DOCK3: variants seen among roughly 807,000 people sequenced by gnomAD.
DOCK3 encodes dedicator of cytokinesis 3.
A neutral mutation model predicts 265.6 loss-of-function variants in DOCK3; 60 were observed. That is an observed-to-expected ratio of 0.23 (90% CI 0.18 to 0.28). The LOEUF (loss-of-function observed/expected upper bound fraction) is 0.28. DOCK3 is among the 10% of genes least tolerant of loss of function. The probability of loss-of-function intolerance (pLI) is 1.00; values close to 1 mark genes in which losing one functional copy is unlikely to be tolerated. For missense variants in DOCK3, 1,981 were observed against 2,594.3 expected (o/e 0.76, Z 5.14); for synonymous variants, 881 against 938.0 (o/e 0.94, Z 1.11).
At chr3:50,855,271 C>A (rs553932999) in intron 3 of DOCK3, among the ~76,000 whole-genome samples, 14 of 152,100 alleles carry the variant, frequency 9.2e-5, no homozygotes, top group African/African-American at 3.1e-4. Context: ...GAATGTTTTT[C>A]CATTTGTTTG....
At chr3:51,018,607 G>C (rs567555994) in intron 5 of DOCK3, among the ~76,000 whole-genome samples, 1 of 151,784 alleles carries the variant, frequency 6.6e-6, no homozygotes, top group Non-Finnish European at 1.5e-5. Context: ...TCTTGGAGAA[G>C]GGACCCGAGT....
At chr3:51,031,966 C>T (rs2080066916) in intron 5 of DOCK3, among the ~76,000 whole-genome samples, 1 of 152,114 alleles carries the variant, frequency 6.6e-6, no homozygotes, top group African/African-American at 2.4e-5. Context: ...TTTCTAGCTT[C>T]CAGAATTGTG....
chr3:51,278,995 T>A (rs2080970189), intron 26 of DOCK3, among the ~76,000 whole-genome samples: 1 of 152,102 alleles, frequency 6.6e-6, no homozygotes, highest in African/African-American at 2.4e-5. Flanking sequence ...ATGCCTGTAA[T>A]CCCAACACTT....
At chr3:51,018,771 G>A (rs910885291) in intron 5 of DOCK3, among the ~76,000 whole-genome samples, 1 of 150,594 alleles carries the variant, frequency 6.6e-6, no homozygotes, top group Non-Finnish European at 1.5e-5. Context: ...CAAAAGTTTT[G>A]GATTTTCAAC....
intron 3 of DOCK3, among the ~76,000 whole-genome samples, chr3:50,869,432 G>A (rs1231020297): frequency 9.0e-6 from 1 of 110,854 alleles, no homozygotes; most frequent in African/African-American, 3.7e-5. Context: ...AGTCAGTGGT[G>A]TGATCTCAGC....
chr3:50,925,620 A>G (rs1179116641), intron 4 of DOCK3, among the ~76,000 whole-genome samples: 1 of 152,154 alleles, frequency 6.6e-6, no homozygotes, highest in East Asian at 1.9e-4. Flanking sequence ...CAGACAGGGT[A>G]GTCTTCTTTG....
rs190040383 is a variant in DOCK3 at position 51,257,838 on chromosome 3, C to T, written c.2185-2318C>T. On this transcript the variant is annotated intron_variant, in intron 22 of 52. Transcript: ENST00000266037. ...CAGGCTCCACCTCTCACCTTCTATT[C>T]CACTCCTCTGCCCCGCTCTCCTTCC... 8.5e-5 allele frequency among the ~76,000 whole-genome samples: 13 copies of T among 152,310 alleles called. No individual in the cohort carries two copies. The East Asian group carries it at 2.3e-3, about 27-fold the overall frequency.
intron 5 of DOCK3, among the ~76,000 whole-genome samples, chr3:51,007,551 A>T (rs1043104930): frequency 6.6e-6 from 1 of 152,102 alleles, no homozygotes; most frequent in African/African-American, 2.4e-5. Context: ...TTGCAAAAAT[A>T]TTCTCCCATT....
At chr3:50,676,639 T>C (rs2033976036) in intron 1 of DOCK3, among the ~76,000 whole-genome samples, 1 of 146,604 alleles carries the variant, frequency 6.8e-6, no homozygotes, top group Non-Finnish European at 1.5e-5. Context: ...AACAAATAAT[T>C]GATGTGAGTG....
chr3:51,324,190 CA>C (rs2083931166), intron 32 of DOCK3, among the ~76,000 whole-genome samples: 1 of 152,144 alleles, frequency 6.6e-6, no homozygotes, highest in African/African-American at 2.4e-5. Context: ...TGTCTCAGCC[CA>C]AAATCTCCTT....
intron 5 of DOCK3, among the ~76,000 whole-genome samples, chr3:51,059,222 C>A (rs942538277): frequency 6.6e-6 from 1 of 152,242 alleles, no homozygotes; most frequent in African/African-American, 2.4e-5. Flanking sequence ...AGGATAATGG[C>A]CTTGGGCCTA....
At chr3:50,781,631 T>A (rs1166644253) in intron 2 of DOCK3, among the ~76,000 whole-genome samples, 4 of 152,180 alleles carry the variant, frequency 2.6e-5, no homozygotes, top group African/African-American at 7.2e-5. Context: ...TTATTTATTT[T>A]AAGTTTTGTT....
At chr3:50,990,722 C>T (rs540745935) in intron 5 of DOCK3, among the ~76,000 whole-genome samples, 5 of 152,138 alleles carry the variant, frequency 3.3e-5, no homozygotes, top group South Asian at 2.1e-4. Context: ...ACCTGGATTC[C>T]GACGTTCAAG....
intron 27 of DOCK3, among the ~76,000 whole-genome samples, chr3:51,283,686 T>C (rs1478371637): frequency 1.3e-5 from 2 of 152,066 alleles, no homozygotes; most frequent in African/African-American, 4.8e-5. Flanking sequence ...TAGTGATAAT[T>C]TCAGACAAAC....
intron 5 of DOCK3, among the ~76,000 whole-genome samples, chr3:50,934,343 T>A (rs902316400): frequency 1.3e-5 from 2 of 152,224 alleles, no homozygotes; most frequent in Non-Finnish European, 2.9e-5. Flanking sequence ...CTCATTGTTG[T>A]GTCCCCAGAT....
chr3:50,692,515 G>C (rs530766563), intron 1 of DOCK3, among the ~76,000 whole-genome samples: 50 of 152,310 alleles, frequency 3.3e-4, no homozygotes, highest in African/African-American at 1.1e-3. Context: ...GATAATGCTT[G>C]TTCACCCACT....
intron 5 of DOCK3, among the ~76,000 whole-genome samples, chr3:50,984,736 A>G (rs1365338774): frequency 6.6e-6 from 1 of 152,216 alleles, no homozygotes; most frequent in African/African-American, 2.4e-5. Flanking sequence ...CTCTGTATTC[A>G]TGGGTTCTGT....
chr3:51,249,109 T>G (rs1202216161), intron 22 of DOCK3, among the ~76,000 whole-genome samples: 12 of 126,182 alleles, frequency 9.5e-5, no homozygotes, highest in Non-Finnish European at 1.0e-4. Context: ...GTGGGGGGGG[T>G]CAGCCCCCCG....
At chr3:50,992,318 G>A (rs1318748924) in intron 5 of DOCK3, among the ~76,000 whole-genome samples, 1 of 152,180 alleles carries the variant, frequency 6.6e-6, no homozygotes, top group East Asian at 1.9e-4. Context: ...TTTGTTTTGA[G>A]ATGGAGTCTG....
Sources: allele counts gnomAD v4.1 joint callset (sites outside exome capture counted in the v4.1 genomes callset), GRCh38; gene constraint gnomAD v4.1.1; transcripts MANE v1.5; gene names NCBI Gene and HGNC (gene_info 2026-07-23, HGNC 2026-07-21).